PKNOX1: variants seen among roughly 807,000 people sequenced by gnomAD.
PKNOX1 encodes homeobox protein PKNOX1.
In PKNOX1, 15 loss-of-function variants were observed where a neutral mutation model predicts 51.9. The observed-to-expected ratio is 0.29, with a 90% CI of 0.19 to 0.45. The LOEUF is 0.45. Among genes scored for constraint, PKNOX1 ranks in the 20% least tolerant of loss-of-function variants. PKNOX1 has a pLI of 1.00. For missense variants in PKNOX1, 462 were observed against 547.5 expected (o/e 0.84, Z 1.56); for synonymous variants, 219 against 211.1 (o/e 1.04, Z -0.32).
chr21:43,012,120 A>G (rs1568899103), intron 4 of PKNOX1, among the ~76,000 whole-genome samples: 1 of 152,204 alleles, frequency 6.6e-6, no homozygotes, highest in East Asian at 1.9e-4. Context: ...ACGAATTCCT[A>G]CCACCAGATT....
chr21:42,985,488 C>T (rs2059047479), intron 1 of PKNOX1, among the ~76,000 whole-genome samples: 1 of 151,740 alleles, frequency 6.6e-6, no homozygotes, highest in Non-Finnish European at 1.5e-5. Flanking sequence ...GTGCAAGGCA[C>T]CACACCTGGC....
At chr21:42,986,705 G>A (rs2059053937) in intron 1 of PKNOX1, among the ~76,000 whole-genome samples, 1 of 152,124 alleles carries the variant, frequency 6.6e-6, no homozygotes, top group Non-Finnish European at 1.5e-5. Context: ...TATAGTTAGT[G>A]TCCTAAAAGG....
chr21:43,002,374 C>G (rs1030188763), intron 1 of PKNOX1, among the ~76,000 whole-genome samples: 1 of 151,904 alleles, frequency 6.6e-6, no homozygotes, highest in Non-Finnish European at 1.5e-5. Flanking sequence ...ACCCATTGAC[C>G]GTACCTCCTC....
intron 1 of PKNOX1, among the ~76,000 whole-genome samples, chr21:42,987,908 G>A (rs1002896603): frequency 1.3e-5 from 2 of 151,938 alleles, no homozygotes; most frequent in African/African-American, 2.4e-5. Context: ...GTGAGCCACC[G>A]CACCCGGCCT....
chr21:43,018,470 CCACCCACA>C lies in PKNOX1; in HGVS notation c.720+244_720+251del, dbSNP rs1979602122. 1.3e-4 allele frequency among the ~76,000 whole-genome samples: 2 copies of C among 15,120 alleles called. 1 individual carries two copies. Among genetic ancestry groups the C allele is most frequent in the African/African-American group, 6.0e-4 (2 of 3,360 alleles). 9.9% of individuals were successfully genotyped at this position (15,120 alleles called of 152,430 possible). A position where few individuals can be genotyped will look rare whatever the true frequency, so the allele number is the denominator to read the frequency against. On this transcript the variant is annotated intron_variant, in intron 7 of 10. Coordinates refer to ENST00000291547, the MANE Select transcript of PKNOX1 (RefSeq NM_004571.5). ...AAAAGTCACTCATAACCACCCCCTG[CCACCCACA>C]CACACACACACACACACACACACAC...
chr21:43,016,779 G>T, intron 5 of PKNOX1, 129 bp from the exon 6 acceptor site: 1 of 585,670 alleles, frequency 1.7e-6, no homozygotes, highest in South Asian at 2.2e-5. Flanking sequence ...CGCGTCATCT[G>T]AGGATGTTCT....
chr21:43,026,195 CCTG>C, intron 9 of PKNOX1, among the ~76,000 whole-genome samples: 1 of 152,244 alleles, frequency 6.6e-6, no homozygotes, highest in African/African-American at 2.4e-5. Flanking sequence ...TTCATGATTT[CCTG>C]GTGTTCCCTG....
At chr21:43,014,122 T>C (rs545149536) in intron 5 of PKNOX1, among the ~76,000 whole-genome samples, 41 of 150,196 alleles carry the variant, frequency 2.7e-4, no homozygotes, top group East Asian at 1.2e-3. Context: ...CCTGGGTTCA[T>C]GCCATTCTCC....
intron 8 of PKNOX1, among the ~76,000 whole-genome samples, chr21:43,022,992 T>C (rs926506180): frequency 2.6e-5 from 4 of 152,114 alleles, no homozygotes; most frequent in Non-Finnish European, 5.9e-5. Context: ...TCCTTTAATG[T>C]TTTAATAATT....
intron 8 of PKNOX1, chr21:43,024,531 G>A (rs775811566): frequency 9.4e-6 from 2 of 213,334 alleles, no homozygotes; most frequent in Non-Finnish European, 1.8e-5. Context: ...CAATAAAGTT[G>A]ATAAAGAATC....
chr21:42,991,900 C>T lies in PKNOX1; in HGVS notation c.-56-12426C>T, dbSNP rs528511646. ...TATTTATGTACTTACTGACTTACAG[C>T]TACTTTTTGAGATGGGATCTTGCTC... On this transcript the variant is annotated intron_variant, in intron 1 of 10. Transcript: ENST00000291547. Among the ~76,000 whole-genome samples the T allele has an allele frequency of 5.3e-5, 8 of 152,280 alleles. No individual in the cohort carries two copies. In the South Asian group the frequency reaches 6.2e-4, roughly 12 times the overall value.
intron 5 of PKNOX1, among the ~76,000 whole-genome samples, chr21:43,015,194 C>T (rs548651113): frequency 1.3e-4 from 20 of 152,370 alleles, no homozygotes; most frequent in African/African-American, 3.8e-4. Flanking sequence ...ACCTTTCAGT[C>T]GCTCACTGTC....
intron 7 of PKNOX1, among the ~76,000 whole-genome samples, chr21:43,020,950 G>A (rs1271714594): frequency 2.6e-5 from 4 of 152,164 alleles, no homozygotes; most frequent in Non-Finnish European, 5.9e-5. Context: ...TCTACAAAAA[G>A]TAGAAGAAAT....
chr21:42,993,420 C>T (rs1298205967), intron 1 of PKNOX1, among the ~76,000 whole-genome samples: 3 of 152,058 alleles, frequency 2.0e-5, no homozygotes, highest in Admixed American at 1.3e-4. Flanking sequence ...TAGGTGGGAG[C>T]GAGACTGGCC....
intron 5 of PKNOX1, among the ~76,000 whole-genome samples, 195 bp downstream of exon 5, chr21:43,013,433 A>G (rs543293122): frequency 3.9e-4 from 59 of 152,312 alleles, no homozygotes; most frequent in Admixed American, 3.3e-3. Context: ...CTCAATCTGC[A>G]TACTGGGCCC....
At chr21:43,025,592 A>G (rs1262069794) in intron 9 of PKNOX1, among the ~76,000 whole-genome samples, 2 of 152,190 alleles carry the variant, frequency 1.3e-5, no homozygotes, top group East Asian at 3.8e-4. Flanking sequence ...TATTTTCTTC[A>G]GTAAGGGCTT....
In PKNOX1 at chr21:43,024,883, A is replaced by G; in HGVS notation, c.862A>G (p.Thr288Ala). The G allele has an allele frequency of 6.2e-7, 1 of 1,609,082 alleles. No homozygotes were observed. Among genetic ancestry groups the G allele is most frequent in the Non-Finnish European group, 8.5e-7 (1 of 1,175,498 alleles). ...TTTTTATTTTCAGCATCCCTACCCA[A>G]CAGAGGATGAGAAAAAACAGATTGC... ...LFQHIGHPYPTEDEKKQIAAQ... is the reference protein window; with the variant it reads ...LFQHIGHPYPAEDEKKQIAAQ... The change falls in exon 9 of 11, where the codon ACA becomes GCA. Residue 288 changes from threonine to alanine, a missense_variant. By Grantham distance (58) the Thr-to-Ala change is moderately conservative. Coordinates refer to ENST00000291547, the MANE Select transcript of PKNOX1 (RefSeq NM_004571.5).
At chr21:43,008,251 T>C (rs1031182073) in intron 3 of PKNOX1, among the ~76,000 whole-genome samples, 1 of 152,192 alleles carries the variant, frequency 6.6e-6, no homozygotes, top group Admixed American at 6.5e-5. Context: ...GCATAGTCTC[T>C]TTCAGGAAGT....
In PKNOX1 at chr21:43,029,424, G is replaced by GTTTTTTTTTTTT. The variant is rs138486584; in HGVS notation, c.1100-456_1100-445dup. On this transcript the variant is annotated intron_variant, in intron 10 of 10. Transcript: ENST00000291547. ...TTATTTTTTTTTATTTGTTTGCTTT[G>GTTTTTTTTTTTT]TTTTTTTTTTTTTTTTTTTTTGAGA... 5.3e-3 allele frequency among the ~76,000 whole-genome samples: 335 copies of GTTTTTTTTTTTT among 63,284 alleles called. 25 individuals carry two copies. The highest frequency in any genetic ancestry group is 6.2e-3 in the Non-Finnish European group (213 of 34,544). 41.5% of individuals were successfully genotyped at this position (63,284 alleles called of 152,430 possible). A position where few individuals can be genotyped will look rare whatever the true frequency, so the allele number is the denominator to read the frequency against.
Sources: gnomAD v4.1 joint callset for allele counts (sites outside exome capture counted in the v4.1 genomes callset) on GRCh38, gnomAD v4.1.1 for gene constraint, MANE v1.5 for transcripts, NCBI Gene and HGNC (gene_info 2026-07-23, HGNC 2026-07-21) for gene names.